Variants in FSTL5 observed in about 807,000 individuals in gnomAD.
FSTL5 encodes the protein follistatin like 5.
A neutral mutation model predicts 89.1 loss-of-function variants in FSTL5; 62 were observed. The observed-to-expected ratio is 0.70, with a 90% CI of 0.57 to 0.86. FSTL5 has a LOEUF of 0.86. Among genes scored for constraint, FSTL5 ranks in the 40% least tolerant of loss-of-function variants. The probability of loss-of-function intolerance (pLI) is 0.00; values close to 1 mark genes in which losing one functional copy is unlikely to be tolerated. For synonymous variants in FSTL5, 383 were observed against 346.2 expected (o/e 1.11, Z -1.18); for missense variants, 1,057 against 1,001.6 (o/e 1.06, Z -0.75).
At chr4:162,137,603 C>T (rs1447775102) in intron 1 of FSTL5, among the ~76,000 whole-genome samples, 1 of 152,072 alleles carries the variant, frequency 6.6e-6, no homozygotes, top group Non-Finnish European at 1.5e-5. Flanking sequence ...ACAACAAATG[C>T]TCATTAACTG....
In FSTL5 at chr4:161,384,679, C is replaced by A. The variant is rs2110854963; in HGVS notation, c.*1068G>T. 6.6e-6 allele frequency: 1 copy of A among 152,160 alleles called. No individual in the cohort carries two copies. The highest frequency in any genetic ancestry group is 2.1e-4 in the South Asian group (1 of 4,820). 9.4% of individuals were successfully genotyped at this position (152,160 alleles called of 1,614,324 possible). A position where few individuals can be genotyped will look rare whatever the true frequency, so the allele number is the denominator to read the frequency against. On this transcript the variant is annotated 3_prime_UTR_variant, in exon 16 of 16. Transcript: ENST00000306100. ...CAATGGAGTACTACATTTTTACTTA[C>A]CACTGTCGGGCTACCCCTTTATTCC...
At chr4:161,802,693 A>G (rs1471281043) in intron 4 of FSTL5, among the ~76,000 whole-genome samples, 1 of 151,760 alleles carries the variant, frequency 6.6e-6, no homozygotes, top group African/African-American at 2.4e-5. Context: ...GCCGCTAAAA[A>G]TAAGAGACAA....
intron 10 of FSTL5, among the ~76,000 whole-genome samples, chr4:161,518,273 G>T (rs1730909518): frequency 6.6e-6 from 1 of 152,160 alleles, no homozygotes; most frequent in South Asian, 2.1e-4. Context: ...AAAAAGTGAT[G>T]AGATGGGATA....
chr4:161,555,724 C>T (rs1732363882), intron 8 of FSTL5, among the ~76,000 whole-genome samples: 1 of 151,626 alleles, frequency 6.6e-6, no homozygotes, highest in Admixed American at 6.6e-5. Flanking sequence ...GAAACACTCT[C>T]TGGTAAATTC....
chr4:161,711,828 A>T (rs1045820992), intron 6 of FSTL5, among the ~76,000 whole-genome samples: 1 of 152,180 alleles, frequency 6.6e-6, no homozygotes, highest in Non-Finnish European at 1.5e-5. Flanking sequence ...CAACATCTTA[A>T]AAGCAATTAG....
At chr4:161,850,368 A>C (rs1302923956) in intron 4 of FSTL5, among the ~76,000 whole-genome samples, 1 of 151,650 alleles carries the variant, frequency 6.6e-6, no homozygotes, top group African/African-American at 2.4e-5. Context: ...TGGATTTTTA[A>C]AACATTCAGC....
chr4:161,942,741 T>C (rs890124983), intron 3 of FSTL5, among the ~76,000 whole-genome samples: 2 of 152,152 alleles, frequency 1.3e-5, no homozygotes, highest in African/African-American at 4.8e-5. Context: ...TCTTAATCCT[T>C]GTTCTTGATC....
intron 15 of FSTL5, among the ~76,000 whole-genome samples, chr4:161,450,741 ATTT>A (rs70937651): frequency 7.6e-6 from 1 of 131,568 alleles, no homozygotes; most frequent in Non-Finnish European, 1.6e-5. Context: ...ATTCATCTTC[ATTT>A]TTTTTTTTTT....
At chr4:161,390,788 A>G (rs1251897393) in intron 15 of FSTL5, among the ~76,000 whole-genome samples, 1 of 152,082 alleles carries the variant, frequency 6.6e-6, no homozygotes, top group African/African-American at 2.4e-5. Context: ...CAATTATTCT[A>G]TCTCCTGGCT....
At chr4:161,958,739 T>C (rs1167298684) in intron 3 of FSTL5, among the ~76,000 whole-genome samples, 1 of 152,160 alleles carries the variant, frequency 6.6e-6, no homozygotes, top group African/African-American at 2.4e-5. Flanking sequence ...CACATGCTTA[T>C]GCTGCGCAGT....
chr4:161,621,354 A>T (rs567007109), intron 7 of FSTL5, among the ~76,000 whole-genome samples: 7 of 152,036 alleles, frequency 4.6e-5, no homozygotes, highest in Admixed American at 2.0e-4. Context: ...TGAAGTTAGA[A>T]AATATGTCAA....
chr4:161,412,163 A>G (rs993172207), intron 15 of FSTL5, among the ~76,000 whole-genome samples: 2 of 152,154 alleles, frequency 1.3e-5, no homozygotes, highest in African/African-American at 4.8e-5. Context: ...AAAGAGAACT[A>G]GAAGACTGCT....
At chr4:161,736,466 T>G (rs891120144) in intron 6 of FSTL5, among the ~76,000 whole-genome samples, 1 of 152,184 alleles carries the variant, frequency 6.6e-6, no homozygotes, top group African/African-American at 2.4e-5. Flanking sequence ...TAATATATTT[T>G]GCACTAAATA....
In FSTL5 at chr4:161,886,655, A is replaced by G. The variant is rs544830646; in HGVS notation, c.409+33749T>C. On this transcript the variant is annotated intron_variant, in intron 4 of 15. Transcript: ENST00000306100. ...CAACAGCAACGGATTTCATTTCCAT[A>G]TCATCATTACCTTTATCTGTATTAG... Among the ~76,000 whole-genome samples, 7 of 152,314 alleles carry G rather than the reference A, an allele frequency of 4.6e-5. 1 individual carries two copies. In the South Asian group the frequency reaches 1.2e-3, roughly 27 times the overall value.
At chr4:161,990,123 T>C (rs959710816) in intron 3 of FSTL5, among the ~76,000 whole-genome samples, 2 of 152,168 alleles carry the variant, frequency 1.3e-5, no homozygotes, top group African/African-American at 4.8e-5. Flanking sequence ...CAAATTGAGG[T>C]ACTACACAGT....
intron 4 of FSTL5, among the ~76,000 whole-genome samples, chr4:161,850,986 G>A (rs1381257222): frequency 6.6e-6 from 1 of 152,094 alleles, no homozygotes; most frequent in African/African-American, 2.4e-5. Context: ...AACCACCATG[G>A]CATCTATCTA....
chr4:161,977,612 CA>C (rs796909244), intron 3 of FSTL5, among the ~76,000 whole-genome samples: 1,240 of 94,806 alleles, frequency 0.013, 15 homozygotes, highest in African/African-American at 0.022. Context: ...GACTCCGTGT[CA>C]AAAAAAAAAA....
chr4:161,407,140 T>C (rs1731411773), intron 15 of FSTL5, among the ~76,000 whole-genome samples: 1 of 152,208 alleles, frequency 6.6e-6, no homozygotes, highest in Admixed American at 6.5e-5. Context: ...GGTTGTCTAA[T>C]ACTGTGAATG....
intron 3 of FSTL5, among the ~76,000 whole-genome samples, chr4:161,934,949 C>T (rs1231933381): frequency 6.6e-6 from 1 of 152,110 alleles, no homozygotes; most frequent in Non-Finnish European, 1.5e-5. Flanking sequence ...TAAAATGATA[C>T]ATTCTCAGGT....
Sources: allele counts gnomAD v4.1 joint callset (sites outside exome capture counted in the v4.1 genomes callset), GRCh38; gene constraint gnomAD v4.1.1; transcripts MANE v1.5; gene names NCBI Gene and HGNC (gene_info 2026-07-23, HGNC 2026-07-21).